Variants in CLIC6 observed in about 807,000 individuals in gnomAD.
CLIC6 encodes the protein chloride intracellular channel protein 6.
Under a neutral mutation model 49.2 loss-of-function variants are expected in CLIC6, and 39 were observed. That is an observed-to-expected ratio of 0.79 (90% confidence interval 0.61 to 1.04). The LOEUF is 1.04. Among genes scored for constraint, CLIC6 ranks in the 50% least tolerant of loss-of-function variants. The pLI, the probability that CLIC6 is intolerant of heterozygous loss-of-function variation, is 0.00. For missense variants in CLIC6, 988 were observed against 993.1 expected (o/e 0.99, Z 0.07); for synonymous variants, 446 against 433.4 (o/e 1.03, Z -0.36).
chr21:34,715,969 C>G (rs1601292080), intron 5 of CLIC6, among the ~76,000 whole-genome samples: 1 of 152,208 alleles, frequency 6.6e-6, no homozygotes, highest in Non-Finnish European at 1.5e-5. Context: ...CACATAGCAC[C>G]AAGTAACACA....
At position 34,717,192 on chromosome 21, in the gene CLIC6, G is replaced by T. The variant is rs1326281059; in HGVS notation, c.*710G>T. 6.6e-6 allele frequency: 1 copy of T among 152,244 alleles called. No homozygotes were observed. The highest frequency in any genetic ancestry group is 1.5e-5 in the Non-Finnish European group (1 of 68,112). 9.4% of individuals were successfully genotyped at this position (152,244 alleles called of 1,614,324 possible). On this transcript the variant is annotated 3_prime_UTR_variant, in exon 6 of 6. Coordinates refer to ENST00000349499, the MANE Select transcript of CLIC6 (RefSeq NM_053277.3). ...GCTTCCAGGAAAGGCAAGGGGGAGG[G>T]TGCTTATCCGTGTCTCTGGTTCCAG...
Position 34,716,606 on chromosome 21 carries a change from T to C in CLIC6, c.*124T>C, listed in dbSNP as rs2056086900. Reference sequence around the variant, plus strand: ...TTTTAAAAAACTGGTCTCTGAGAGTTTTTTAAATCATTGAGAGCCTGTTTT... The same window carrying C: ...TTTTAAAAAACTGGTCTCTGAGAGTCTTTTAAATCATTGAGAGCCTGTTTT... On this transcript the variant is annotated 3_prime_UTR_variant, in exon 6 of 6. Transcript: ENST00000349499. 2 of 670,020 alleles carry C rather than the reference T, an allele frequency of 3.0e-6. No homozygotes were observed. Among genetic ancestry groups the C allele is most frequent in the Admixed American group, 6.9e-5 (2 of 28,848 alleles). The allele number at this position is 670,020 out of a possible 1,614,324, so 41.5% of individuals were successfully genotyped here. A position where few individuals can be genotyped will look rare whatever the true frequency, so the allele number is the denominator to read the frequency against.
chr21:34,683,696 T>C (rs962532235), intron 1 of CLIC6, among the ~76,000 whole-genome samples: 1 of 152,146 alleles, frequency 6.6e-6, no homozygotes, highest in African/African-American at 2.4e-5. Flanking sequence ...GGTTTAAAAG[T>C]GTGGCACTCT....
intron 1 of CLIC6, among the ~76,000 whole-genome samples, chr21:34,704,342 C>G (rs776680837): frequency 6.6e-6 from 1 of 152,162 alleles, no homozygotes; most frequent in Non-Finnish European, 1.5e-5. Flanking sequence ...GCAAGTCATC[C>G]CAGTCACTCC....
At chr21:34,705,162 C>T (rs1160973345) in intron 1 of CLIC6, among the ~76,000 whole-genome samples, 1 of 152,320 alleles carries the variant, frequency 6.6e-6, no homozygotes, top group Non-Finnish European at 1.5e-5. Flanking sequence ...CAGAGCAAGT[C>T]GGGACTGGCC....
rs2056020687 is a variant in CLIC6 at position 34,707,236 on chromosome 21, AT to A, written c.1375-42del. The A allele has an allele frequency of 9.1e-6, 13 of 1,435,796 alleles. No individual in the cohort carries two copies. The East Asian group carries it at 3.0e-4, about 33-fold the overall frequency. 88.9% of individuals were successfully genotyped at this position (1,435,796 alleles called of 1,614,324 possible). On this transcript the variant is annotated intron_variant, in intron 1 of 5. Coordinates refer to ENST00000349499, the MANE Select transcript of CLIC6 (RefSeq NM_053277.3). ...GCATGTTGTGGTGTTGGCACTTATA[AT>A]TGTGAGACTGGCTCAGATAGAAATC...
chr21:34,674,400 T>A (rs1989624817), intron 1 of CLIC6, among the ~76,000 whole-genome samples: 1 of 152,260 alleles, frequency 6.6e-6, no homozygotes, highest in Non-Finnish European at 1.5e-5. Flanking sequence ...CCTCTCTTCC[T>A]ATTTTGTTAA....
intron 3 of CLIC6, 97 bp from the exon 4 acceptor site, chr21:34,708,602 AT>A: frequency 1.2e-6 from 1 of 833,328 alleles, no homozygotes; most frequent in Non-Finnish European, 1.9e-6. Context: ...AAAGCTTTTC[AT>A]TTTTATGCCC....
At chr21:34,693,394 A>G (rs1035721679) in intron 1 of CLIC6, among the ~76,000 whole-genome samples, 10 of 152,242 alleles carry the variant, frequency 6.6e-5, no homozygotes, top group African/African-American at 1.9e-4. Context: ...TAAAAGGGAA[A>G]GTGATAAATG....
chr21:34,696,873 T>C (rs1340430539), intron 1 of CLIC6, among the ~76,000 whole-genome samples: 3 of 152,032 alleles, frequency 2.0e-5, no homozygotes, highest in African/African-American at 4.8e-5. Context: ...AGAATGAGAA[T>C]TGGGGGCATG....
chr21:34,711,149 G>A (rs1285739819), intron 5 of CLIC6, among the ~76,000 whole-genome samples: 2 of 152,228 alleles, frequency 1.3e-5, no homozygotes, highest in Admixed American at 6.5e-5. Context: ...CAGGTGGTTG[G>A]TATAAGTGTA....
At chr21:34,678,456 C>T (rs1411085719) in intron 1 of CLIC6, among the ~76,000 whole-genome samples, 7 of 151,552 alleles carry the variant, frequency 4.6e-5, no homozygotes, top group South Asian at 2.1e-4. Context: ...AAAAGTTTAC[C>T]GATTCCTAGC....
At chr21:34,702,321 G>A (rs746713157) in intron 1 of CLIC6, among the ~76,000 whole-genome samples, 1 of 152,090 alleles carries the variant, frequency 6.6e-6, no homozygotes, top group Non-Finnish European at 1.5e-5. Context: ...ACAATCTCTG[G>A]GTCCTGTCTT....
rs1376445192 is a variant in CLIC6, at chr21:34,669,933, C to A, written c.545C>A (p.Ala182Glu). ...AEGPAGDSVE[A>E]EGRVGDSVDA... ...GGCCCGGCGGGCGACAGCGTAGAGG[C>A]GGAGGGCCGGGTGGGGGACAGCGTA... The change falls in exon 1 of 6, where the codon GCG (alanine) becomes GAG (glutamate). Residue 182 changes from alanine (A) to glutamate (E), a missense_variant. Ala to Glu is a moderately radical substitution (Grantham distance 107). Around this residue, in one of 3 missense-constraint regions of CLIC6, gnomAD observed 284 missense variants for 278.6 expected, o/e 1.02. Coordinates refer to ENST00000349499, the MANE Select transcript of CLIC6 (RefSeq NM_053277.3). 4 of 1,294,188 alleles carry A rather than the reference C, an allele frequency of 3.1e-6. No individual in the cohort carries two copies. The highest frequency in any genetic ancestry group is 3.9e-6 in the Non-Finnish European group (4 of 1,021,740). 80.2% of individuals were successfully genotyped at this position (1,294,188 alleles called of 1,614,324 possible).
chr21:34,699,000 A>G (rs974593010), intron 1 of CLIC6, among the ~76,000 whole-genome samples: 2 of 152,154 alleles, frequency 1.3e-5, no homozygotes, highest in African/African-American at 4.8e-5. Context: ...CAGGAAAAAC[A>G]GTGGGGCCAT....
chr21:34,682,188 C>A (rs79057845), intron 1 of CLIC6, among the ~76,000 whole-genome samples: 1 of 152,122 alleles, frequency 6.6e-6, no homozygotes, highest in African/African-American at 2.4e-5. Context: ...GGCATTGCTA[C>A]GGGAAAGGGT....
chr21:34,697,926 T>C (rs138321622), intron 1 of CLIC6, among the ~76,000 whole-genome samples: 174 of 149,598 alleles, frequency 1.2e-3, no homozygotes, highest in African/African-American at 4.1e-3. Flanking sequence ...TTTGCTGTCT[T>C]TATAGGAGCT....
intron 1 of CLIC6, among the ~76,000 whole-genome samples, chr21:34,677,034 C>T (rs1254111437): frequency 2.6e-5 from 4 of 152,030 alleles, no homozygotes; most frequent in African/African-American, 4.8e-5. Context: ...CACCCCCATG[C>T]TTTTTGTCAG....
In CLIC6 at chr21:34,673,637, A is replaced by G. The variant is rs188857226; in HGVS notation, c.1374+2875A>G. On this transcript the variant is annotated intron_variant, in intron 1 of 5. Transcript: ENST00000349499. ...GGTCACTTATCATGAGCCTCACAGT[A>G]TTGATATTGTGTCTCAGTTTCTTCT... Among the ~76,000 whole-genome samples, 298 of 152,306 alleles carry G rather than the reference A, an allele frequency of 2.0e-3. 2 individuals are homozygous for G. Among genetic ancestry groups the G allele is most frequent in the African/African-American group, 6.6e-3 (276 of 41,576 alleles).
Sources: gnomAD v4.1 joint callset for allele counts (sites outside exome capture counted in the v4.1 genomes callset) on GRCh38, gnomAD v4.1.1 for gene constraint, gnomAD v4.1.1 regional missense constraint, MANE v1.5 for transcripts, NCBI Gene and HGNC (gene_info 2026-07-23, HGNC 2026-07-21) for gene names.